CNTNAP4: variants seen among roughly 807,000 people sequenced by gnomAD.
The protein encoded by CNTNAP4 is contactin-associated protein-like 4.
In CNTNAP4, 98 loss-of-function variants were observed where a neutral mutation model predicts 148.4. That is an observed-to-expected ratio of 0.66 (90% CI 0.56 to 0.78). CNTNAP4 has a LOEUF of 0.78. CNTNAP4 is among the 30% of genes least tolerant of loss of function. CNTNAP4 has a pLI of 0.00. For synonymous variants in CNTNAP4, 730 were observed against 565.1 expected (o/e 1.29, Z -4.14); for missense variants, 1,935 against 1,565.6 (o/e 1.24, Z -3.98).
intron 4 of CNTNAP4, among the ~76,000 whole-genome samples, chr16:76,434,357 T>C (rs1329542602): frequency 6.6e-6 from 1 of 152,186 alleles, no homozygotes; most frequent in Non-Finnish European, 1.5e-5. Context: ...GCAAATTGTT[T>C]CTGGTGAGCC....
chr16:76,345,245 C>T (rs187103116), intron 2 of CNTNAP4, among the ~76,000 whole-genome samples: 24 of 152,248 alleles, frequency 1.6e-4, no homozygotes, highest in Admixed American at 1.4e-3. Flanking sequence ...CTGGCTAGCT[C>T]CCAGCCAGAC....
intron 23 of CNTNAP4, among the ~76,000 whole-genome samples, chr16:76,555,016 G>A (rs895610832): frequency 6.6e-6 from 1 of 151,560 alleles, no homozygotes; most frequent in Admixed American, 6.6e-5. Flanking sequence ...CTTTAAAATT[G>A]TATCTCCCTG....
Position 76,390,588 on chromosome 16 carries a change from G to C in CNTNAP4, c.390+35077G>C, listed in dbSNP as rs373867856. Among the ~76,000 whole-genome samples, 1,297 of 130,848 alleles carry C rather than the reference G, an allele frequency of 9.9e-3. 16 individuals carry two copies. The highest frequency in any genetic ancestry group is 0.028 in the African/African-American group (989 of 35,140). The allele number at this position is 130,848 out of a possible 152,430, so 85.8% of individuals were successfully genotyped here. On this transcript the variant is annotated intron_variant, in intron 3 of 23. Coordinates refer to ENST00000611870, the MANE Select transcript of CNTNAP4 (RefSeq NM_033401.5). ...TAAATAACAGGTAAAAAAAAAAAAA[G>C]CCCTGCTTGTTTTAAGCAGGCATTA... is the stretch of plus-strand genomic sequence containing the variant.
chr16:76,328,799 C>G (rs999894991), intron 2 of CNTNAP4, among the ~76,000 whole-genome samples: 1 of 152,090 alleles, frequency 6.6e-6, no homozygotes, highest in Non-Finnish European at 1.5e-5. Flanking sequence ...GCGCCTGCCA[C>G]CGCACCTGGC....
chr16:76,403,249 C>T (rs958692077), intron 3 of CNTNAP4, among the ~76,000 whole-genome samples: 4 of 152,068 alleles, frequency 2.6e-5, no homozygotes, highest in African/African-American at 9.7e-5. Flanking sequence ...CCTGCCACCA[C>T]ACCTGGCAAA....
intron 10 of CNTNAP4, among the ~76,000 whole-genome samples, chr16:76,473,847 TTTTG>T (rs869182508): frequency 0.41 from 5,938 of 14,658 alleles, 284 homozygotes; most frequent in South Asian, 0.53. Flanking sequence ...TAGGTTTTTT[TTTTG>T]TTTTGTTTTG....
At chr16:76,382,648 A>T (rs2144709120) in intron 3 of CNTNAP4, among the ~76,000 whole-genome samples, 1 of 152,342 alleles carries the variant, frequency 6.6e-6, no homozygotes, top group Admixed American at 6.5e-5. Context: ...TCTTAAGAAA[A>T]ATAGAACTAT....
At chr16:76,363,514 A>T (rs1311085277) in intron 3 of CNTNAP4, among the ~76,000 whole-genome samples, 1 of 152,188 alleles carries the variant, frequency 6.6e-6, no homozygotes. Flanking sequence ...AAAGACTTAA[A>T]TGGAAAACCT....
At chr16:76,333,986 A>T (rs1399407871) in intron 2 of CNTNAP4, among the ~76,000 whole-genome samples, 1 of 151,344 alleles carries the variant, frequency 6.6e-6, no homozygotes, top group Non-Finnish European at 1.5e-5. Flanking sequence ...TGTGGTTTTG[A>T]TTTGCATTTC....
intron 2 of CNTNAP4, among the ~76,000 whole-genome samples, chr16:76,349,104 T>G (rs1016442110): frequency 2.6e-5 from 4 of 152,130 alleles, no homozygotes; most frequent in Admixed American, 6.6e-5. Flanking sequence ...CAGCAGGACC[T>G]AGCGGTCCTG....
In CNTNAP4 at chr16:76,365,655, G is replaced by C. The variant is rs1223737696; in HGVS notation, c.390+10144G>C. Among the ~76,000 whole-genome samples the C allele has an allele frequency of 5.3e-5, 8 of 151,490 alleles. 1 individual carries two copies. The highest frequency in any genetic ancestry group is 8.8e-5 in the Non-Finnish European group (6 of 67,942). On this transcript the variant is annotated intron_variant, in intron 3 of 23. Transcript: ENST00000611870. ...TAATCCCAGCTACTTGCGAGGCTGA[G>C]GCAGGAGAATTGCTTGAACCTGGGA...
At chr16:76,429,804 C>CA (rs1249908621) in intron 4 of CNTNAP4, among the ~76,000 whole-genome samples, 1 of 152,124 alleles carries the variant, frequency 6.6e-6, no homozygotes, top group African/African-American at 2.4e-5. Context: ...TTGGGGTGAG[C>CA]ATACTGTCCA....
intron 4 of CNTNAP4, among the ~76,000 whole-genome samples, chr16:76,445,590 T>G (rs1289712170): frequency 6.6e-6 from 1 of 152,162 alleles, no homozygotes; most frequent in East Asian, 1.9e-4. Flanking sequence ...TATGTTTTTC[T>G]CTATGCCATT....
At chr16:76,554,564 G>A (rs1402220921) in intron 23 of CNTNAP4, among the ~76,000 whole-genome samples, 1 of 151,620 alleles carries the variant, frequency 6.6e-6, no homozygotes, top group Non-Finnish European at 1.5e-5. Context: ...TTTTTCAAAA[G>A]CAACTCAAAA....
intron 3 of CNTNAP4, among the ~76,000 whole-genome samples, chr16:76,373,173 T>C (rs2015034028): frequency 6.6e-6 from 1 of 151,428 alleles, no homozygotes; most frequent in Admixed American, 6.6e-5. Context: ...TCCACATAAA[T>C]AGGTGAATAT....
chr16:76,470,498 A>ATATATATATATATATATATATATATATAT lies in CNTNAP4; in HGVS notation c.1655+2975_1655+2976insTATATATATATATATATATATATATATAT, dbSNP rs2081329134. On this transcript the variant is annotated intron_variant, in intron 10 of 23. Coordinates refer to ENST00000611870, the MANE Select transcript of CNTNAP4 (RefSeq NM_033401.5). Reference sequence around the variant, plus strand: ...TCTACTAATAATATATATATATATAAAATTAGTCGGGCATGGTGGCACATG... The same window carrying ATATATATATATATATATATATATATATAT: ...TCTACTAATAATATATATATATATAATATATATATATATATATATATATATATATAATTAGTCGGGCATGGTGGCACATG... Among the ~76,000 whole-genome samples the ATATATATATATATATATATATATATATAT allele has an allele frequency of 2.5e-4, 8 of 32,564 alleles. No individual in the cohort carries two copies. In the South Asian group the frequency reaches 8.7e-3, roughly 36 times the overall value. 21.4% of individuals were successfully genotyped at this position (32,564 alleles called of 152,430 possible). A position where few individuals can be genotyped will look rare whatever the true frequency, so the allele number is the denominator to read the frequency against.
intron 3 of CNTNAP4, among the ~76,000 whole-genome samples, chr16:76,396,362 G>A (rs961458553): frequency 1.3e-5 from 2 of 152,116 alleles, no homozygotes; most frequent in African/African-American, 2.4e-5. Context: ...CATACTACCC[G>A]GTGCAAGGGA....
intron 1 of CNTNAP4, among the ~76,000 whole-genome samples, chr16:76,288,062 G>T (rs543867728): frequency 1.3e-5 from 2 of 152,060 alleles, no homozygotes; most frequent in East Asian, 2.0e-4. Flanking sequence ...TAACTCCCAC[G>T]TGTCAAGGAC....
chr16:76,377,617 T>G (rs2015551095), intron 3 of CNTNAP4, among the ~76,000 whole-genome samples: 1 of 152,058 alleles, frequency 6.6e-6, no homozygotes, highest in Non-Finnish European at 1.5e-5. Context: ...TTGCAAGGGG[T>G]GTGAAGAAAT....
Sources: gnomAD v4.1 joint callset for allele counts (sites outside exome capture counted in the v4.1 genomes callset) on GRCh38, gnomAD v4.1.1 for gene constraint, MANE v1.5 for transcripts, NCBI Gene and HGNC (gene_info 2026-07-23, HGNC 2026-07-21) for gene names.